Variants in CDIN1 observed in about 807,000 individuals in gnomAD.
The protein encoded by CDIN1 is CDAN1-interacting nuclease 1.
Under a neutral mutation model 45.3 loss-of-function variants are expected in CDIN1, and 33 were observed. The observed-to-expected ratio is 0.73, with a 90% confidence interval of 0.55 to 0.97. CDIN1 has a LOEUF of 0.97. Ranked by LOEUF, CDIN1 falls within the 50% of genes least tolerant of loss-of-function variation. The pLI, the probability that CDIN1 is intolerant of heterozygous loss-of-function variation, is 0.00. For synonymous variants in CDIN1, 118 were observed against 124.4 expected (o/e 0.95, Z 0.34); for missense variants, 303 against 339.4 (o/e 0.89, Z 0.84).
chr15:36,740,824 GGTTACGGTGAGCTGA>G (rs1171923909), intron 10 of CDIN1, among the ~76,000 whole-genome samples: 1 of 151,882 alleles, frequency 6.6e-6, no homozygotes, highest in East Asian at 1.9e-4. Flanking sequence ...AGGAGGCGGA[GGTTACGGTGAGCTGA>G]GATCGCACCA....
chr15:36,581,173 T>C (rs1324607692), intron 1 of CDIN1, among the ~76,000 whole-genome samples: 2 of 152,230 alleles, frequency 1.3e-5, no homozygotes, highest in Non-Finnish European at 2.9e-5. Context: ...GTTCTGCACA[T>C]GAACAGTGAA....
chr15:36,605,214 A>G (rs1343822870), intron 1 of CDIN1, among the ~76,000 whole-genome samples: 1 of 152,174 alleles, frequency 6.6e-6, no homozygotes, highest in East Asian at 1.9e-4. Flanking sequence ...ACTTTTGTAA[A>G]GGATTAACAG....
At chr15:36,746,386 T>C (rs911422745) in intron 10 of CDIN1, among the ~76,000 whole-genome samples, 2 of 152,008 alleles carry the variant, frequency 1.3e-5, no homozygotes, top group Non-Finnish European at 2.9e-5. Context: ...AAAATATATA[T>C]GGGATATTAA....
intron 5 of CDIN1, among the ~76,000 whole-genome samples, chr15:36,671,342 G>A (rs544007905): frequency 2.6e-5 from 4 of 152,206 alleles, no homozygotes; most frequent in Admixed American, 2.0e-4. Context: ...GGTAGAAAAC[G>A]GTATCTTTAG....
Position 36,685,060 on chromosome 15 carries a change from T to G in CDIN1, c.347-6625T>G, listed in dbSNP as rs915252662. On this transcript the variant is annotated intron_variant, in intron 5 of 10. Coordinates refer to ENST00000566621, the MANE Select transcript of CDIN1 (RefSeq NM_001321759.2). ...TGGATTCATTAATTTTTTGAAGGGC[T>G]TTTTGTGTCTCTATTTCCTTCAGTT... is the stretch of plus-strand genomic sequence containing the variant. 1.8e-4 allele frequency among the ~76,000 whole-genome samples: 27 copies of G among 152,212 alleles called. No individual in the cohort carries two copies. The South Asian group carries it at 2.7e-3, about 15-fold the overall frequency.
intron 1 of CDIN1, among the ~76,000 whole-genome samples, chr15:36,637,936 A>C (rs1480075807): frequency 3.3e-5 from 5 of 152,158 alleles, no homozygotes; most frequent in African/African-American, 1.2e-4. Flanking sequence ...AGGAAAGATC[A>C]GAAGTGGCTC....
intron 4 of CDIN1, among the ~76,000 whole-genome samples, chr15:36,657,613 A>T (rs900755785): frequency 2.0e-5 from 3 of 152,118 alleles, no homozygotes; most frequent in African/African-American, 7.2e-5. Context: ...CTCCAATGTT[A>T]TATTCAATAA....
At chr15:36,673,829 C>A (rs2041542739) in intron 5 of CDIN1, among the ~76,000 whole-genome samples, 1 of 152,016 alleles carries the variant, frequency 6.6e-6, no homozygotes, top group Non-Finnish European at 1.5e-5. Context: ...GTGGCAAGGA[C>A]ATTTCTTAGA....
chr15:36,744,523 A>C (rs2044351756), intron 10 of CDIN1, among the ~76,000 whole-genome samples: 1 of 152,214 alleles, frequency 6.6e-6, no homozygotes, highest in Non-Finnish European at 1.5e-5. Context: ...GGAATGCAGA[A>C]ATGAACAAGA....
At chr15:36,644,162 G>C in intron 1 of CDIN1, 116 bp from the exon 2 acceptor site, 1 of 960,708 alleles carries the variant, frequency 1.0e-6, no homozygotes, top group Non-Finnish European at 1.6e-6. Context: ...TTCCACACTT[G>C]TTTTCATGTT....
At chr15:36,729,759 C>T (rs149937997) in intron 10 of CDIN1, among the ~76,000 whole-genome samples, 76 of 152,236 alleles carry the variant, frequency 5.0e-4, no homozygotes, top group Non-Finnish European at 8.1e-4. Context: ...CATTTATCAA[C>T]AAGAGGCAAT....
At chr15:36,799,520 A>G (rs1321656731) in intron 10 of CDIN1, 1 of 152,132 alleles carries the variant, frequency 6.6e-6, no homozygotes, top group African/African-American at 2.4e-5. Flanking sequence ...TATCATGGAG[A>G]AAGTTTAAAG....
intron 3 of CDIN1, among the ~76,000 whole-genome samples, chr15:36,652,920 G>A (rs768972229): frequency 1.3e-5 from 2 of 152,020 alleles, no homozygotes; most frequent in African/African-American, 2.4e-5. Flanking sequence ...ATATACTGTA[G>A]GGAAAATTTC....
chr15:36,741,157 C>A (rs1023760590), intron 10 of CDIN1, among the ~76,000 whole-genome samples: 1 of 152,118 alleles, frequency 6.6e-6, no homozygotes, highest in Non-Finnish European at 1.5e-5. Flanking sequence ...TAAATAGTGA[C>A]AATTAATTCT....
intron 10 of CDIN1, among the ~76,000 whole-genome samples, chr15:36,772,782 T>C (rs1045623757): frequency 2.0e-5 from 3 of 152,228 alleles, no homozygotes; most frequent in Non-Finnish European, 2.9e-5. Context: ...ATAGGATCTG[T>C]TGAGCTGTAT....
intron 10 of CDIN1, among the ~76,000 whole-genome samples, chr15:36,785,511 G>A (rs1294022948): frequency 1.3e-5 from 2 of 152,094 alleles, no homozygotes; most frequent in East Asian, 3.9e-4. Flanking sequence ...AGAAGCAAGG[G>A]CCTCTACAAA....
chr15:36,638,221 T>C (rs1266534839), intron 1 of CDIN1, among the ~76,000 whole-genome samples: 1 of 152,168 alleles, frequency 6.6e-6, no homozygotes, highest in Non-Finnish European at 1.5e-5. Context: ...TATGTGTGTG[T>C]ATATAGATAC....
chr15:36,783,907 T>G (rs1050681159), intron 10 of CDIN1, among the ~76,000 whole-genome samples: 1 of 152,194 alleles, frequency 6.6e-6, no homozygotes, highest in African/African-American at 2.4e-5. Context: ...CAAGTAACTC[T>G]AAATGAAGAG....
chr15:36,715,016 G>A (rs2043173929), intron 10 of CDIN1, among the ~76,000 whole-genome samples: 1 of 152,120 alleles, frequency 6.6e-6, no homozygotes, highest in Admixed American at 6.6e-5. Context: ...CTAAAGCTTG[G>A]GTGCAGGACA....
Sources: allele counts gnomAD v4.1 joint callset (sites outside exome capture counted in the v4.1 genomes callset), GRCh38; gene constraint gnomAD v4.1.1; transcripts MANE v1.5; gene names NCBI Gene and HGNC (gene_info 2026-07-23, HGNC 2026-07-21).